CNTN4: variants seen among roughly 807,000 people sequenced by gnomAD.
The protein encoded by CNTN4 is contactin 4, also known as contactin-4.
In CNTN4, 77 loss-of-function variants were observed where a neutral mutation model predicts 122.5. That is an observed-to-expected ratio of 0.63 (90% CI 0.52 to 0.76). The LOEUF is 0.76. Among genes scored for constraint, CNTN4 ranks in the 30% least tolerant of loss-of-function variants. The pLI is 0.00. For synonymous variants in CNTN4, 512 were observed against 447.0 expected, an observed-to-expected ratio of 1.15 and a Z score of -1.83; for missense variants, 1,256 against 1,259.1, an observed-to-expected ratio of 1.00 and a Z score of 0.04.
chr3:2,425,110 A>G (rs2047771259), intron 3 of CNTN4, among the ~76,000 whole-genome samples: 1 of 152,046 alleles, frequency 6.6e-6, no homozygotes, highest in African/African-American at 2.4e-5. Context: ...TTTTGTTGCC[A>G]TTTCTTTTGG....
chr3:2,160,416 C>T (rs1460886843), intron 2 of CNTN4, among the ~76,000 whole-genome samples: 4 of 152,010 alleles, frequency 2.6e-5, no homozygotes, highest in Non-Finnish European at 5.9e-5. Context: ...CCTGGATGGC[C>T]TTATATTAGT....
At chr3:2,309,328 A>G (rs530826532) in intron 2 of CNTN4, among the ~76,000 whole-genome samples, 1 of 152,108 alleles carries the variant, frequency 6.6e-6, no homozygotes, top group African/African-American at 2.4e-5. Context: ...TTTAACTTTC[A>G]GCCTGTTTTT....
chr3:2,903,034 A>T lies in CNTN4; in HGVS notation c.1207+29A>T, dbSNP rs79515839. On this transcript the variant is annotated intron_variant, in intron 12 of 24. Transcript: ENST00000418658. Reference sequence around the variant, plus strand: ...AGTCTTTATACTGGCAAGAAAAAAAAATTAAAACTCTTTAGATCACTAAAC... The same window carrying T: ...AGTCTTTATACTGGCAAGAAAAAAATATTAAAACTCTTTAGATCACTAAAC... 6.3e-3 allele frequency: 10,067 copies of T among 1,608,904 alleles called. 38 individuals carry two copies. The highest frequency in any genetic ancestry group is 7.6e-3 in the Non-Finnish European group (8,931 of 1,176,408).
At chr3:2,252,870 C>A (rs1237585431) in intron 2 of CNTN4, among the ~76,000 whole-genome samples, 1 of 152,038 alleles carries the variant, frequency 6.6e-6, no homozygotes, top group African/African-American at 2.4e-5. Context: ...TTTAATACTT[C>A]TTTGCTTTTT....
At chr3:2,286,846 TA>T (rs1280058931) in intron 2 of CNTN4, among the ~76,000 whole-genome samples, 1 of 152,086 alleles carries the variant, frequency 6.6e-6, no homozygotes, top group Non-Finnish European at 1.5e-5. Context: ...AAACCAGGGA[TA>T]AAAAAAGCCG....
At chr3:2,334,860 T>A (rs1458120285) in intron 2 of CNTN4, among the ~76,000 whole-genome samples, 1 of 152,162 alleles carries the variant, frequency 6.6e-6, no homozygotes, top group Non-Finnish European at 1.5e-5. Context: ...ATTTTCATGC[T>A]CTTACCTGTC....
intron 2 of CNTN4, among the ~76,000 whole-genome samples, chr3:2,231,159 A>G (rs1005199546): frequency 6.6e-6 from 1 of 152,218 alleles, no homozygotes; most frequent in African/African-American, 2.4e-5. Flanking sequence ...CCAATATTAA[A>G]ACAATTACCA....
At chr3:2,594,666 A>G (rs2080677298) in intron 4 of CNTN4, among the ~76,000 whole-genome samples, 1 of 151,926 alleles carries the variant, frequency 6.6e-6, no homozygotes, top group Admixed American at 6.6e-5. Flanking sequence ...AGAATCGGCC[A>G]GCCTTGGCCT....
chr3:2,239,550 A>G (rs2039847607), intron 2 of CNTN4, among the ~76,000 whole-genome samples: 1 of 152,160 alleles, frequency 6.6e-6, no homozygotes, highest in Non-Finnish European at 1.5e-5. Context: ...ATCTTGGGCA[A>G]TTCAGTTTCC....
At chr3:2,629,710 A>G (rs115067365) in intron 4 of CNTN4, 6,584 of 321,866 alleles carry the variant, frequency 0.02, 103 homozygotes, top group Non-Finnish European at 0.027. Flanking sequence ...GTCATAATCA[A>G]AATCGGTTGA....
intron 3 of CNTN4, among the ~76,000 whole-genome samples, chr3:2,565,824 C>G (rs554246410): frequency 3.3e-5 from 5 of 152,194 alleles, no homozygotes; most frequent in African/African-American, 1.2e-4. Flanking sequence ...TGACTGCACC[C>G]CTCATTAGCT....
chr3:2,436,372 G>A (rs2048258657), intron 3 of CNTN4, among the ~76,000 whole-genome samples: 1 of 152,088 alleles, frequency 6.6e-6, no homozygotes, highest in African/African-American at 2.4e-5. Context: ...GGCAGTGAGT[G>A]CTATAGGAGA....
At position 2,936,290 on chromosome 3, in the gene CNTN4, G is replaced by T. The variant is rs1298473613; in HGVS notation, c.1358+10511G>T. Among the ~76,000 whole-genome samples the T allele has an allele frequency of 2.6e-5, 4 of 152,116 alleles. No homozygotes were observed. The East Asian group carries it at 7.7e-4, about 29-fold the overall frequency. ...ATCCAGTGGTTGTTCCCAAATTTAGGTCTGCAGCTCAGTGCCAGGCTGACT... is the reference window on the plus strand; with the variant it reads ...ATCCAGTGGTTGTTCCCAAATTTAGTTCTGCAGCTCAGTGCCAGGCTGACT... On this transcript the variant is annotated intron_variant, in intron 13 of 24. Coordinates refer to ENST00000418658, the MANE Select transcript of CNTN4 (RefSeq NM_175607.3).
chr3:2,366,576 A>C (rs2150593905), intron 3 of CNTN4, among the ~76,000 whole-genome samples: 1 of 152,066 alleles, frequency 6.6e-6, no homozygotes, highest in Admixed American at 6.6e-5. Context: ...AAATACAAAA[A>C]ATTAGCCAGG....
chr3:2,726,364 A>G (rs181871915), intron 4 of CNTN4, among the ~76,000 whole-genome samples: 5 of 152,324 alleles, frequency 3.3e-5, no homozygotes, highest in African/African-American at 7.2e-5. Context: ...TAACTTATCA[A>G]TGCTAAGCAG....
intron 4 of CNTN4, among the ~76,000 whole-genome samples, chr3:2,607,886 A>G (rs879280466): frequency 7.9e-5 from 12 of 152,236 alleles, no homozygotes; most frequent in East Asian, 1.9e-4. Context: ...AATTTAAAAT[A>G]TCATATAATA....
chr3:2,543,470 C>T lies in CNTN4; in HGVS notation c.-88-27946C>T, dbSNP rs999431654. ...AGCTCTGGGTCACCTGGGATTTGGG[C>T]CCTGGGAGGGGATAACAGTGTGTAC... On this transcript the variant is annotated intron_variant, in intron 3 of 24. Transcript: ENST00000418658. Among the ~76,000 whole-genome samples, 9 of 152,110 alleles carry T rather than the reference C, an allele frequency of 5.9e-5. No individual in the cohort carries two copies. In the South Asian group the frequency reaches 1.5e-3, roughly 25 times the overall value.
chr3:2,333,131 A>G lies in CNTN4; in HGVS notation c.-144-6047A>G, dbSNP rs375082518. 1.1e-3 allele frequency among the ~76,000 whole-genome samples: 162 copies of G among 152,296 alleles called. 1 individual carries two copies. Among genetic ancestry groups the G allele is most frequent in the African/African-American group, 3.7e-3 (154 of 41,570 alleles). On this transcript the variant is annotated intron_variant, in intron 2 of 24. Transcript: ENST00000418658. ...CTCAGAATCTCAAGTTTCTGGCCTT[A>G]CAACTGATGAGCAGCATAAGCCATT...
chr3:2,263,001 A>G (rs2040897653), intron 2 of CNTN4, among the ~76,000 whole-genome samples: 1 of 152,120 alleles, frequency 6.6e-6, no homozygotes, highest in African/African-American at 2.4e-5. Context: ...GAAAGTTCCC[A>G]GTAGTTGTGG....
Sources: allele counts gnomAD v4.1 joint callset (sites outside exome capture counted in the v4.1 genomes callset), GRCh38; gene constraint gnomAD v4.1.1; transcripts MANE v1.5; gene names NCBI Gene and HGNC (gene_info 2026-07-23, HGNC 2026-07-21).